Variants in GNAQ observed in about 807,000 individuals in gnomAD.
GNAQ encodes the protein G protein subunit alpha q, also known as guanine nucleotide-binding protein G(q) subunit alpha.
In GNAQ, 8 loss-of-function variants were observed where a neutral mutation model predicts 43.9. The ratio of observed to expected loss-of-function variants is 0.18; its 90% CI spans 0.11 to 0.33. The LOEUF is 0.33. GNAQ is among the 10% of genes least tolerant of loss of function. The pLI, the probability that GNAQ is intolerant of heterozygous loss-of-function variation, is 1.00. For missense variants in GNAQ, 158 were observed against 450.8 expected, an observed-to-expected ratio of 0.35 and a Z score of 5.88; for synonymous variants, 155 against 170.7, an observed-to-expected ratio of 0.91 and a Z score of 0.71.
chr9:78,026,233 A>C (rs2118617678), intron 1 of GNAQ, among the ~76,000 whole-genome samples: 1 of 152,322 alleles, frequency 6.6e-6, no homozygotes, highest in South Asian at 2.1e-4. Flanking sequence ...TTGCCATATG[A>C]AGAAATAGCA....
At chr9:77,995,077 T>C (rs1244951697) in intron 1 of GNAQ, among the ~76,000 whole-genome samples, 1 of 152,248 alleles carries the variant, frequency 6.6e-6, no homozygotes, top group Non-Finnish European at 1.5e-5. Context: ...TACAGTGTTC[T>C]AAAATCGAAG....
At chr9:77,973,226 C>A (rs1331606739) in intron 1 of GNAQ, among the ~76,000 whole-genome samples, 1 of 152,124 alleles carries the variant, frequency 6.6e-6, no homozygotes, top group Admixed American at 6.6e-5. Context: ...TACTCCTAAA[C>A]AGAACTCACG....
intron 2 of GNAQ, among the ~76,000 whole-genome samples, chr9:77,899,846 C>T (rs1459671572): frequency 6.6e-6 from 1 of 152,204 alleles, no homozygotes; most frequent in African/African-American, 2.4e-5. Context: ...ATGCACGGAA[C>T]TGTGCTAGGT....
At chr9:77,987,326 T>C (rs1004419695) in intron 1 of GNAQ, among the ~76,000 whole-genome samples, 1 of 151,818 alleles carries the variant, frequency 6.6e-6, no homozygotes, top group African/African-American at 2.4e-5. Context: ...TCTGAAATGG[T>C]AGGAGTCAGT....
chr9:77,800,451 T>C (rs916905800), intron 3 of GNAQ, among the ~76,000 whole-genome samples: 24 of 151,998 alleles, frequency 1.6e-4, no homozygotes, highest in African/African-American at 5.1e-4. Flanking sequence ...GAAATCATCA[T>C]TCTCAGTAAA....
chr9:77,975,272 C>CT (rs900901373), intron 1 of GNAQ, among the ~76,000 whole-genome samples: 1 of 152,278 alleles, frequency 6.6e-6, no homozygotes, highest in African/African-American at 2.4e-5. Context: ...GACAACTAAG[C>CT]TCTCACTGCT....
intron 3 of GNAQ, among the ~76,000 whole-genome samples, chr9:77,813,194 A>C (rs1388672944): frequency 6.6e-6 from 1 of 152,222 alleles, no homozygotes; most frequent in Non-Finnish European, 1.5e-5. Context: ...CTGGGATTAC[A>C]GGCGTAAGCC....
At chr9:77,886,833 G>A (rs1027163238) in intron 2 of GNAQ, among the ~76,000 whole-genome samples, 8 of 151,960 alleles carry the variant, frequency 5.3e-5, no homozygotes, top group African/African-American at 1.7e-4. Flanking sequence ...ATACGCAGCC[G>A]GGCACGGTGG....
intron 5 of GNAQ, among the ~76,000 whole-genome samples, chr9:77,774,321 GAACT>G (rs1390815409): frequency 6.6e-6 from 1 of 152,120 alleles, no homozygotes; most frequent in African/African-American, 2.4e-5. Context: ...ATGGATGTTA[GAACT>G]AATACTGCTA....
chr9:77,974,264 A>C lies in GNAQ; in HGVS notation c.137-51919T>G, dbSNP rs1450424789. Among the ~76,000 whole-genome samples the C allele has an allele frequency of 2.0e-5, 3 of 152,102 alleles. No homozygotes were observed. The East Asian group carries it at 5.8e-4, about 29-fold the overall frequency. The stretch of plus-strand genomic sequence containing the variant: ...TGGGTCTGAAACAGGGACCCTCCAG[A>C]TGCCCCCATCCATTCCACAGCCATG... On this transcript the variant is annotated intron_variant, in intron 1 of 6. Coordinates refer to ENST00000286548, the MANE Select transcript of GNAQ (RefSeq NM_002072.5).
At chr9:78,017,584 A>G (rs553665497) in intron 1 of GNAQ, among the ~76,000 whole-genome samples, 54 of 152,344 alleles carry the variant, frequency 3.5e-4, no homozygotes, top group African/African-American at 1.1e-3. Flanking sequence ...AGTTTTGTCC[A>G]TAACAATGGC....
rs1002418552 is a variant in GNAQ at position 77,981,797 on chromosome 9, T to C, written c.136+49303A>G. Among the ~76,000 whole-genome samples the C allele has an allele frequency of 2.6e-5, 4 of 152,312 alleles. No individual in the cohort carries two copies. The East Asian group carries it at 5.8e-4, about 22-fold the overall frequency. ...CAGCTCCAGAACTCATCTTCCCATA[T>C]AGAATAAAAACTAGAAAGCTTTTGC... On this transcript the variant is annotated intron_variant, in intron 1 of 6. Transcript: ENST00000286548.
At chr9:77,917,011 T>C (rs1167805785) in intron 2 of GNAQ, among the ~76,000 whole-genome samples, 1 of 152,188 alleles carries the variant, frequency 6.6e-6, no homozygotes, top group Non-Finnish European at 1.5e-5. Context: ...TCTGGAGTAA[T>C]TCACTCAATA....
chr9:77,868,168 G>A (rs1322405940), intron 2 of GNAQ, among the ~76,000 whole-genome samples: 4 of 152,204 alleles, frequency 2.6e-5, no homozygotes, highest in Non-Finnish European at 5.9e-5. Context: ...GTATTCCTCT[G>A]TGTATCCTAA....
At chr9:78,022,319 G>A (rs1823921058) in intron 1 of GNAQ, among the ~76,000 whole-genome samples, 1 of 152,128 alleles carries the variant, frequency 6.6e-6, no homozygotes, top group South Asian at 2.1e-4. Context: ...AGTTCAAATG[G>A]TCCTTAGAGA....
chr9:78,005,916 G>A (rs1823700807), intron 1 of GNAQ, among the ~76,000 whole-genome samples: 2 of 152,208 alleles, frequency 1.3e-5, no homozygotes, highest in Admixed American at 1.3e-4. Context: ...ATGGGATGAA[G>A]TCTGGAAGAA....
intron 2 of GNAQ, among the ~76,000 whole-genome samples, chr9:77,819,538 A>C (rs1324371888): frequency 6.6e-6 from 1 of 152,136 alleles, no homozygotes; most frequent in Non-Finnish European, 1.5e-5. Context: ...AGAAAGCCAA[A>C]TGGTAACTTC....
chr9:77,863,135 T>A (rs985801930), intron 2 of GNAQ, among the ~76,000 whole-genome samples: 3 of 147,302 alleles, frequency 2.0e-5, no homozygotes, highest in Non-Finnish European at 4.5e-5. Context: ...GACTGAACCA[T>A]TGTTCTCCAG....
At position 77,971,267 on chromosome 9, in the gene GNAQ, G is replaced by A. The variant is rs144694553; in HGVS notation, c.137-48922C>T. Among the ~76,000 whole-genome samples the A allele has an allele frequency of 6.8e-3, 1,033 of 152,212 alleles. 15 individuals are homozygous for A. Among genetic ancestry groups the A allele is most frequent in the African/African-American group, 0.023 (959 of 41,520 alleles). On this transcript the variant is annotated intron_variant, in intron 1 of 6. Transcript: ENST00000286548. ...CAACAGAAAAAGAGGGAATCCACCCGAACTCATTTTATGAGGCCAGCATCA... is the reference window on the plus strand; with the variant it reads ...CAACAGAAAAAGAGGGAATCCACCCAAACTCATTTTATGAGGCCAGCATCA...
Sources: gnomAD v4.1 joint callset for allele counts (sites outside exome capture counted in the v4.1 genomes callset) on GRCh38, gnomAD v4.1.1 for gene constraint, MANE v1.5 for transcripts, NCBI Gene and HGNC (gene_info 2026-07-23, HGNC 2026-07-21) for gene names.